The following S100Z variants were observed in gnomAD, a reference collection of about 807,000 sequenced individuals.
The protein encoded by S100Z is protein S100-Z.
A neutral mutation model predicts 8.5 loss-of-function variants in S100Z; 11 were observed. That is an observed-to-expected ratio of 1.30 (90% confidence interval 0.82 to 2.15). The LOEUF is 2.15. Among genes scored for constraint, S100Z ranks in the 30% most tolerant of loss-of-function variants. The probability of loss-of-function intolerance (pLI) is 0.00; values close to 1 mark genes in which losing one functional copy is unlikely to be tolerated. For synonymous variants in S100Z, 34 were observed against 43.8 expected, an observed-to-expected ratio of 0.78 and a Z score of 0.89; for missense variants, 126 against 117.9, an observed-to-expected ratio of 1.07 and a Z score of -0.32.
intron 1 of S100Z, among the ~76,000 whole-genome samples, chr5:76,859,704 C>T (rs953078815): frequency 7.1e-5 from 10 of 141,532 alleles, no homozygotes; most frequent in Non-Finnish European, 1.2e-4. Context: ...ATCGCTTGAA[C>T]CCGGAAGTGG....
intron 1 of S100Z, among the ~76,000 whole-genome samples, chr5:76,856,189 C>T (rs1561220743): frequency 6.6e-6 from 1 of 152,066 alleles, no homozygotes; most frequent in Non-Finnish European, 1.5e-5. Flanking sequence ...GCCAATTAAC[C>T]TTCTTTACTT....
At chr5:76,876,189 T>C (rs1221846220) in intron 3 of S100Z, among the ~76,000 whole-genome samples, 1 of 152,210 alleles carries the variant, frequency 6.6e-6, no homozygotes, top group African/African-American at 2.4e-5. Context: ...CGTGTGATGT[T>C]ATTCTCTCCA....
the S100Z span, among the ~76,000 whole-genome samples, chr5:76,932,773 T>C: frequency 1.3e-5 from 2 of 152,164 alleles, no homozygotes; most frequent in Non-Finnish European, 2.9e-5. Context: ...CATTTATTTT[T>C]TCATCAACGC....
chr5:76,880,473 G>A (rs1345346641), intron 4 of S100Z, among the ~76,000 whole-genome samples: 1 of 152,166 alleles, frequency 6.6e-6, no homozygotes, highest in Non-Finnish European at 1.5e-5. Context: ...GGGGTGACGT[G>A]GGAACCTAGA....
chr5:76,882,228 T>C (rs1398926226), intron 4 of S100Z, among the ~76,000 whole-genome samples: 3 of 152,162 alleles, frequency 2.0e-5, no homozygotes, highest in African/African-American at 7.2e-5. Context: ...TGAGGGCCTC[T>C]AAAAGTATTA....
intron 1 of S100Z, among the ~76,000 whole-genome samples, chr5:76,865,698 A>T (rs898916595): frequency 2.0e-5 from 3 of 151,998 alleles, no homozygotes; most frequent in African/African-American, 4.8e-5. Flanking sequence ...CAAAAAGTTT[A>T]AAAAATTTAA....
At chr5:76,912,958 G>T (rs2150682002) in intron 4 of S100Z, among the ~76,000 whole-genome samples, 1 of 152,110 alleles carries the variant, frequency 6.6e-6, no homozygotes, top group Admixed American at 6.5e-5. Flanking sequence ...GAGAGAGGAA[G>T]AGACAGACAA....
intron 4 of S100Z, among the ~76,000 whole-genome samples, chr5:76,882,489 T>A (rs527600403): frequency 6.6e-6 from 1 of 152,180 alleles, no homozygotes; most frequent in South Asian, 2.1e-4. Flanking sequence ...ATCTGTGGGG[T>A]CAGCTAGGTT....
chr5:76,918,139 C>T (rs569620976), intron 4 of S100Z, among the ~76,000 whole-genome samples: 126 of 152,254 alleles, frequency 8.3e-4, no homozygotes, highest in African/African-American at 2.8e-3. Flanking sequence ...CCTCTATGCA[C>T]GTGTTGTTTT....
intron 4 of S100Z, among the ~76,000 whole-genome samples, chr5:76,887,942 A>C (rs1007114459): frequency 6.6e-6 from 1 of 152,114 alleles, no homozygotes; most frequent in Non-Finnish European, 1.5e-5. Flanking sequence ...CTGTCTTTCA[A>C]AAGTTATGTT....
chr5:76,900,726 C>T (rs574319613), intron 4 of S100Z, among the ~76,000 whole-genome samples: 1 of 152,126 alleles, frequency 6.6e-6, no homozygotes, highest in East Asian at 1.9e-4. Context: ...CAGGATTTGT[C>T]CCTGGTGACT....
the S100Z span, among the ~76,000 whole-genome samples, chr5:76,936,231 A>C: frequency 2.6e-5 from 4 of 152,142 alleles, no homozygotes; most frequent in African/African-American, 7.2e-5. Context: ...ATGTGGAAAA[A>C]GTATATTTAA....
intron 4 of S100Z, among the ~76,000 whole-genome samples, chr5:76,884,987 A>G (rs1743549396): frequency 6.6e-6 from 1 of 152,190 alleles, no homozygotes; most frequent in African/African-American, 2.4e-5. Flanking sequence ...GAATGCCTGG[A>G]CGTCAGGCAC....
At chr5:76,922,747 T>G (rs1745070793), downstream of S100Z, among the ~76,000 whole-genome samples, 1 of 152,050 alleles carries the variant, frequency 6.6e-6, no homozygotes, top group Admixed American at 6.6e-5. Flanking sequence ...ATGGTCTTGA[T>G]CTCCTGACCT....
At position 76,889,325 on chromosome 5, in the gene S100Z, G is replaced by A. The variant is rs559419753; in HGVS notation, c.*2+11491G>A. On this transcript the variant is annotated intron_variant, in intron 4 of 4. Coordinates refer to ENST00000317593, the MANE Select transcript of S100Z (RefSeq NM_130772.4). ...AAGACAAGAGCCCTGGTGTTCGTCC[G>A]CTCATTGAAGCCGTATCATTTAGAA... is the stretch of plus-strand genomic sequence containing the variant. Among the ~76,000 whole-genome samples, 138 of 152,120 alleles carry A rather than the reference G, an allele frequency of 9.1e-4. 2 individuals carry two copies. In the Middle Eastern group the frequency reaches 0.031, roughly 34 times the overall value.
chr5:76,852,569 G>T (rs1750761723), intron 1 of S100Z, among the ~76,000 whole-genome samples: 2 of 152,110 alleles, frequency 1.3e-5, no homozygotes, highest in Non-Finnish European at 2.9e-5. Flanking sequence ...AAATAGCCAG[G>T]AATGGTGGTG....
At chr5:76,936,616 T>TACATAC in the S100Z span, among the ~76,000 whole-genome samples, 455 of 134,136 alleles carry the variant, frequency 3.4e-3, no homozygotes, top group Non-Finnish European at 4.6e-3. Context: ...TTAAAGTTCC[T>TACATAC]ACACACACAC....
Position 76,875,264 on chromosome 5 carries a change from G to C in S100Z, c.-56-40G>C. On this transcript the variant is annotated intron_variant, in intron 2 of 4. Transcript: ENST00000317593. ...GGGGATTGTAATATTCTGTTTTAATGAAAGTGTTGGTGTTTCCTCATCTGT... is the reference window on the plus strand; with the variant it reads ...GGGGATTGTAATATTCTGTTTTAATCAAAGTGTTGGTGTTTCCTCATCTGT... 3 of 1,067,084 alleles carry C rather than the reference G, an allele frequency of 2.8e-6. No individual in the cohort carries two copies. In the African/African-American group the frequency reaches 4.8e-5, roughly 17 times the overall value. 66.1% of individuals were successfully genotyped at this position (1,067,084 alleles called of 1,614,324 possible).
At chr5:76,906,966 TTG>T (rs111648836) in intron 4 of S100Z, among the ~76,000 whole-genome samples, 167 of 58,766 alleles carry the variant, frequency 2.8e-3, no homozygotes, top group African/African-American at 4.6e-3. Flanking sequence ...TAGTATTCCA[TTG>T]TGTGTGTGTA....
Sources: gnomAD v4.1 joint callset for allele counts (sites outside exome capture counted in the v4.1 genomes callset) on GRCh38, gnomAD v4.1.1 for gene constraint, MANE v1.5 for transcripts, NCBI Gene and HGNC (gene_info 2026-07-23, HGNC 2026-07-21) for gene names.